BAZ2B: variants seen among roughly 807,000 people sequenced by gnomAD.
The protein encoded by BAZ2B is bromodomain adjacent to zinc finger domain 2B.
A neutral mutation model predicts 246.0 loss-of-function variants in BAZ2B; 91 were observed. The ratio of observed to expected loss-of-function variants is 0.37; its 90% confidence interval spans 0.31 to 0.44. BAZ2B has a LOEUF of 0.44. BAZ2B is among the 20% of genes least tolerant of loss of function. The pLI, the probability that BAZ2B is intolerant of heterozygous loss-of-function variation, is 1.00. For synonymous variants in BAZ2B, 855 were observed against 860.0 expected, an observed-to-expected ratio of 0.99 and a Z score of 0.10; for missense variants, 2,332 against 2,533.7, an observed-to-expected ratio of 0.92 and a Z score of 1.71.
intron 2 of BAZ2B, among the ~76,000 whole-genome samples, chr2:159,554,200 T>C (rs1486635543): frequency 2.0e-5 from 3 of 152,160 alleles, no homozygotes; most frequent in Non-Finnish European, 4.4e-5. Flanking sequence ...TTGCAATTAA[T>C]TACTCTCTTA....
intron 6 of BAZ2B, among the ~76,000 whole-genome samples, chr2:159,441,348 A>C (rs906552720): frequency 6.6e-6 from 1 of 152,336 alleles, no homozygotes; most frequent in African/African-American, 2.4e-5. Flanking sequence ...TTTAGGGTGC[A>C]TAACATTCCT....
chr2:159,397,836 T>C (rs1176054977), intron 18 of BAZ2B, among the ~76,000 whole-genome samples: 2 of 130,442 alleles, frequency 1.5e-5, no homozygotes. Flanking sequence ...CTCTCAAATA[T>C]ACTCTATAAT....
chr2:159,505,481 G>A (rs927093453), intron 2 of BAZ2B, among the ~76,000 whole-genome samples: 8 of 152,156 alleles, frequency 5.3e-5, no homozygotes, highest in Admixed American at 2.6e-4. Context: ...CTGCCATAGA[G>A]CTTTTATAAG....
intron 13 of BAZ2B, chr2:159,419,673 T>C (rs190995872): frequency 6.6e-6 from 1 of 152,346 alleles, no homozygotes; most frequent in East Asian, 1.9e-4. Context: ...ACTCAAAGTA[T>C]GTCATCCTCT....
At chr2:159,539,300 G>C (rs182453406) in intron 2 of BAZ2B, among the ~76,000 whole-genome samples, 1 of 152,224 alleles carries the variant, frequency 6.6e-6, no homozygotes, top group Non-Finnish European at 1.5e-5. Context: ...AGAACATAAT[G>C]CTTATTAAAT....
At chr2:159,499,921 C>T (rs2081538636) in intron 2 of BAZ2B, among the ~76,000 whole-genome samples, 1 of 151,846 alleles carries the variant, frequency 6.6e-6, no homozygotes, top group South Asian at 2.1e-4. Flanking sequence ...GATATTAGAC[C>T]CTTGTCAGTT....
intron 2 of BAZ2B, among the ~76,000 whole-genome samples, chr2:159,524,559 C>T (rs2084522638): frequency 6.6e-6 from 1 of 152,094 alleles, no homozygotes; most frequent in Non-Finnish European, 1.5e-5. Context: ...AGAACCAATT[C>T]ACATGGTTCT....
At chr2:159,500,967 A>C (rs1480635625) in intron 2 of BAZ2B, among the ~76,000 whole-genome samples, 2 of 148,008 alleles carry the variant, frequency 1.4e-5, no homozygotes, top group Non-Finnish European at 3.0e-5. Context: ...AAAAAAAAGA[A>C]AAAAGAAAAG....
chr2:159,540,770 T>C (rs370076623), intron 2 of BAZ2B, among the ~76,000 whole-genome samples: 28 of 152,322 alleles, frequency 1.8e-4, no homozygotes, highest in African/African-American at 5.1e-4. Flanking sequence ...GGTATATAAG[T>C]ACCTTCATTG....
At chr2:159,627,086 T>A in the BAZ2B span, among the ~76,000 whole-genome samples, 1 of 152,172 alleles carries the variant, frequency 6.6e-6, no homozygotes, top group African/African-American at 2.4e-5. Flanking sequence ...GATAATTTCA[T>A]AGACACATAC....
chr2:159,399,955 C>T (rs926108111), intron 17 of BAZ2B, among the ~76,000 whole-genome samples: 1 of 152,186 alleles, frequency 6.6e-6, no homozygotes, highest in Non-Finnish European at 1.5e-5. Context: ...CTGCACAGCT[C>T]CAAAGAGTAA....
intron 3 of BAZ2B, chr2:159,463,429 C>G (rs919895451): frequency 1.7e-5 from 3 of 175,360 alleles, no homozygotes; most frequent in African/African-American, 7.2e-5. Context: ...TATGGTAATT[C>G]TATTTTTAGT....
chr2:159,603,989 G>C (rs929611719), intron 1 of BAZ2B, among the ~76,000 whole-genome samples: 4 of 152,100 alleles, frequency 2.6e-5, no homozygotes, highest in Non-Finnish European at 5.9e-5. Context: ...GTGAATAATA[G>C]AATTTTGAAC....
At chr2:159,386,737 TG>T in intron 21 of BAZ2B, 130 bp from the exon 22 acceptor site, 1 of 1,075,376 alleles carries the variant, frequency 9.3e-7, no homozygotes, top group Non-Finnish European at 1.3e-6. Context: ...TAGCTTCCTT[TG>T]GGATGCTAAA....
intron 27 of BAZ2B, among the ~76,000 whole-genome samples, chr2:159,366,885 G>A (rs190629746): frequency 5.9e-4 from 90 of 152,182 alleles, no homozygotes; most frequent in African/African-American, 1.3e-3. Context: ...AGATGGGGAC[G>A]CATATATCTA....
At chr2:159,688,707 T>C in the BAZ2B span, among the ~76,000 whole-genome samples, 4 of 152,252 alleles carry the variant, frequency 2.6e-5, no homozygotes, top group Non-Finnish European at 4.4e-5. Context: ...TGGACTTCTT[T>C]GATCTGGAAT....
At chr2:159,346,390 G>A (rs184222002) in intron 31 of BAZ2B, among the ~76,000 whole-genome samples, 153 of 152,274 alleles carry the variant, frequency 1.0e-3, no homozygotes, top group African/African-American at 3.5e-3. Flanking sequence ...TGGAGATTAA[G>A]GTTTCTAAAC....
intron 1 of BAZ2B, among the ~76,000 whole-genome samples, chr2:159,567,588 T>A (rs1374845321): frequency 2.0e-5 from 3 of 152,222 alleles, no homozygotes; most frequent in Non-Finnish European, 4.4e-5. Flanking sequence ...GGTTTGAGAA[T>A]GTTGCACATT....
chr2:159,490,116 A>G (rs1287438771), intron 2 of BAZ2B, among the ~76,000 whole-genome samples: 2 of 152,206 alleles, frequency 1.3e-5, no homozygotes, highest in Non-Finnish European at 2.9e-5. Flanking sequence ...AATTTCATAA[A>G]TGCTAGCGTC....
Sources: allele counts gnomAD v4.1 joint callset (sites outside exome capture counted in the v4.1 genomes callset), GRCh38; gene constraint gnomAD v4.1.1; transcripts MANE v1.5; gene names NCBI Gene and HGNC (gene_info 2026-07-23, HGNC 2026-07-21).